Variants in CDH18 observed in about 807,000 individuals in gnomAD.
CDH18 encodes the protein cadherin 18.
A neutral mutation model predicts 67.9 loss-of-function variants in CDH18; 31 were observed. That is an observed-to-expected ratio of 0.46 (90% CI 0.34 to 0.62). The LOEUF is 0.62. Ranked by LOEUF, CDH18 falls within the 20% of genes least tolerant of loss-of-function variation. The probability of loss-of-function intolerance (pLI) is 0.01; values close to 1 mark genes in which losing one functional copy is unlikely to be tolerated. For missense variants in CDH18, 890 were observed against 975.5 expected (o/e 0.91, Z 1.17); for synonymous variants, 362 against 347.2 (o/e 1.04, Z -0.48).
chr5:20,285,530 A>T (rs1401849002), intron 1 of CDH18, among the ~76,000 whole-genome samples: 3 of 150,904 alleles, frequency 2.0e-5, no homozygotes, highest in Non-Finnish European at 4.4e-5. Context: ...AAGTTATTTG[A>T]TTTTCATTTT....
chr5:19,570,254 CTTAG>C (rs1045652572), intron 8 of CDH18, among the ~76,000 whole-genome samples: 36 of 152,134 alleles, frequency 2.4e-4, no homozygotes, highest in Non-Finnish European at 1.0e-4. Context: ...ATTTCTATTC[CTTAG>C]TTAGAGACTG....
intron 2 of CDH18, among the ~76,000 whole-genome samples, chr5:19,842,443 C>T (rs748216612): frequency 4.1e-4 from 62 of 152,142 alleles, no homozygotes; most frequent in Non-Finnish European, 5.6e-4. Flanking sequence ...TCACTCTGCA[C>T]TTCTCTCTCC....
chr5:20,159,265 T>A (rs1316503284), intron 2 of CDH18, among the ~76,000 whole-genome samples: 3 of 152,068 alleles, frequency 2.0e-5, no homozygotes, highest in Admixed American at 1.3e-4. Flanking sequence ...AGTCGGGAGT[T>A]TGGAGGATGC....
At chr5:19,774,597 G>A (rs972183543) in intron 3 of CDH18, among the ~76,000 whole-genome samples, 6 of 149,782 alleles carry the variant, frequency 4.0e-5, no homozygotes, top group East Asian at 2.0e-4. Context: ...TGAGGCGGGC[G>A]GATCACCTCA....
At chr5:19,861,658 A>C (rs1343081824) in intron 2 of CDH18, among the ~76,000 whole-genome samples, 1 of 152,164 alleles carries the variant, frequency 6.6e-6, no homozygotes, top group Non-Finnish European at 1.5e-5. Context: ...TATATATTCT[A>C]AAGGTCAAAC....
intron 3 of CDH18, among the ~76,000 whole-genome samples, chr5:19,761,768 G>C (rs1239444816): frequency 3.3e-5 from 5 of 152,234 alleles, no homozygotes; most frequent in South Asian, 2.1e-4. Flanking sequence ...AACCAAAAAA[G>C]AGCCCACATT....
chr5:19,598,635 T>C (rs961169281), intron 6 of CDH18, among the ~76,000 whole-genome samples: 1 of 152,174 alleles, frequency 6.6e-6, no homozygotes, highest in Non-Finnish European at 1.5e-5. Context: ...ATGATAATTG[T>C]ATTTTTAAAA....
chr5:20,390,253 A>G (rs1169355738), intron 1 of CDH18, among the ~76,000 whole-genome samples: 5 of 152,206 alleles, frequency 3.3e-5, no homozygotes, highest in Admixed American at 6.5e-5. Flanking sequence ...ACAAAGGGCT[A>G]ATATCCAGAA....
chr5:19,545,212 T>C (rs347744), intron 8 of CDH18, among the ~76,000 whole-genome samples: 16,413 of 152,100 alleles, frequency 0.11, 1,323 homozygotes, highest in African/African-American at 0.22. Context: ...AATGGACTGA[T>C]TAATTATGTG....
At chr5:19,790,432 G>A (rs76396310) in intron 3 of CDH18, among the ~76,000 whole-genome samples, 196 of 152,218 alleles carry the variant, frequency 1.3e-3, no homozygotes, top group African/African-American at 4.6e-3. Flanking sequence ...AATGATGAAC[G>A]AAAGGTATAT....
intron 2 of CDH18, among the ~76,000 whole-genome samples, chr5:20,128,453 G>T (rs958649565): frequency 6.6e-6 from 1 of 152,070 alleles, no homozygotes; most frequent in Non-Finnish European, 1.5e-5. Flanking sequence ...TCAAATGAGG[G>T]CTACCATGGA....
chr5:19,686,501 G>A (rs1390877042), intron 5 of CDH18, among the ~76,000 whole-genome samples: 3 of 152,144 alleles, frequency 2.0e-5, no homozygotes, highest in African/African-American at 7.2e-5. Flanking sequence ...CACATGCAAT[G>A]AGATAGCCAG....
At chr5:19,815,695 A>C (rs1779216399) in intron 3 of CDH18, among the ~76,000 whole-genome samples, 1 of 151,860 alleles carries the variant, frequency 6.6e-6, no homozygotes, top group Admixed American at 6.6e-5. Context: ...GGATATCTCA[A>C]TTTTTTTGAC....
intron 2 of CDH18, among the ~76,000 whole-genome samples, chr5:20,230,440 C>G (rs1416602218): frequency 6.6e-6 from 1 of 152,104 alleles, no homozygotes; most frequent in East Asian, 1.9e-4. Context: ...ACTCAAGGAC[C>G]AGAAAAACTG....
chr5:19,921,255 G>A (rs1285241793), intron 2 of CDH18, among the ~76,000 whole-genome samples: 1 of 152,114 alleles, frequency 6.6e-6, no homozygotes, highest in Non-Finnish European at 1.5e-5. Context: ...AAACAGGCCG[G>A]GCATAGTGGC....
intron 2 of CDH18, among the ~76,000 whole-genome samples, chr5:20,183,237 A>G (rs1443578739): frequency 2.0e-5 from 3 of 152,076 alleles, no homozygotes; most frequent in African/African-American, 7.2e-5. Flanking sequence ...GGATAAATTT[A>G]TTTTTAGAAA....
At chr5:19,576,544 A>G (rs2149962736) in intron 7 of CDH18, among the ~76,000 whole-genome samples, 1 of 152,356 alleles carries the variant, frequency 6.6e-6, no homozygotes, top group Non-Finnish European at 1.5e-5. Context: ...CCACAGTGAA[A>G]TATCATCTCA....
chr5:19,844,437 T>A (rs1333406609), intron 2 of CDH18, among the ~76,000 whole-genome samples: 1 of 152,158 alleles, frequency 6.6e-6, no homozygotes, highest in African/African-American at 2.4e-5. Flanking sequence ...AAAGGGCATG[T>A]TTGTTTCTCC....
At chr5:19,740,554 A>T (rs1160631887) in intron 4 of CDH18, among the ~76,000 whole-genome samples, 6 of 152,158 alleles carry the variant, frequency 3.9e-5, no homozygotes, top group Non-Finnish European at 5.9e-5. Context: ...CACACAATTA[A>T]GACAAACACC....
Sources: allele counts gnomAD v4.1 joint callset (sites outside exome capture counted in the v4.1 genomes callset), GRCh38; gene constraint gnomAD v4.1.1; transcripts MANE v1.5; gene names NCBI Gene and HGNC (gene_info 2026-07-23, HGNC 2026-07-21).